The following AGPAT3 variants were observed in gnomAD, a reference collection of about 807,000 sequenced individuals.
AGPAT3 encodes the protein 1-acylglycerol-3-phosphate O-acyltransferase 3, also known as 1-acyl-sn-glycerol-3-phosphate acyltransferase gamma.
Under a neutral mutation model 47.3 loss-of-function variants are expected in AGPAT3, and 5 were observed. The ratio of observed to expected loss-of-function variants is 0.11; its 90% CI spans 0.06 to 0.22. AGPAT3 has a LOEUF of 0.22. Ranked by LOEUF, AGPAT3 falls within the 10% of genes least tolerant of loss-of-function variation. The probability of loss-of-function intolerance (pLI) is 1.00; values close to 1 mark genes in which losing one functional copy is unlikely to be tolerated. For synonymous variants in AGPAT3, 212 were observed against 208.3 expected (o/e 1.02, Z -0.15); for missense variants, 315 against 493.0 (o/e 0.64, Z 3.42).
chr21:43,904,413 G>A (rs2086437810), intron 2 of AGPAT3, among the ~76,000 whole-genome samples: 1 of 152,172 alleles, frequency 6.6e-6, no homozygotes, highest in Non-Finnish European at 1.5e-5. Context: ...CCCCTCTCCT[G>A]GAGACCGACT....
intron 2 of AGPAT3, among the ~76,000 whole-genome samples, chr21:43,904,804 C>T (rs76451302): frequency 0.01 from 1,588 of 152,296 alleles, 12 homozygotes; most frequent in Non-Finnish European, 0.017. Context: ...GTCCTTCTCC[C>T]ACTGTGGCTG....
Position 43,987,543 on chromosome 21 carries a change from T to C in AGPAT3, c.*5151T>C, listed in dbSNP as rs188441234. Among the ~76,000 whole-genome samples the C allele has an allele frequency of 1.2e-4, 19 of 152,366 alleles. No homozygotes were observed. Among genetic ancestry groups the C allele is most frequent in the Non-Finnish European group, 2.4e-4 (16 of 68,030 alleles). On this transcript the variant is annotated 3_prime_UTR_variant, in exon 10 of 10. Coordinates refer to ENST00000291572, the MANE Select transcript of AGPAT3 (RefSeq NM_020132.5). ...TCTGTGGAGAAAACCAAGGAACCCC[T>C]TTCTCTTCTTTATTAAAAAGCAAAA...
chr21:43,964,106 C>A (rs1432453425), intron 3 of AGPAT3, among the ~76,000 whole-genome samples: 1 of 151,944 alleles, frequency 6.6e-6, no homozygotes, highest in Admixed American at 6.6e-5. Context: ...AGTGCTCAGC[C>A]GGGCGCAGTG....
intron 2 of AGPAT3, among the ~76,000 whole-genome samples, chr21:43,942,847 T>C (rs1311009557): frequency 6.6e-6 from 1 of 152,152 alleles, no homozygotes; most frequent in Non-Finnish European, 1.5e-5. Context: ...TCATCTGGGC[T>C]CAGGGAGACA....
chr21:43,938,117 G>GAC (rs60019728), intron 2 of AGPAT3, among the ~76,000 whole-genome samples: 11,426 of 147,386 alleles, frequency 0.078, 712 homozygotes, highest in African/African-American at 0.18. Flanking sequence ...CACACACACA[G>GAC]ACACACACAC....
At position 43,901,335 on chromosome 21, in the gene AGPAT3, AAAAAGAG is replaced by A. The variant is rs1252444858; in HGVS notation, c.-111-2619_-111-2613del. Among the ~76,000 whole-genome samples the A allele has an allele frequency of 4.0e-5, 6 of 151,726 alleles. No individual in the cohort carries two copies. In the East Asian group the frequency reaches 1.2e-3, roughly 29 times the overall value. ...GAAACTCTGTTAAAAAAAAAAAAAAAAAAAGAGAAGAGAAAAGAGAAGGGAAGGGAAC... is the reference window on the plus strand; with the variant it reads ...GAAACTCTGTTAAAAAAAAAAAAAAAAAGAGAAAAGAGAAGGGAAGGGAAC... On this transcript the variant is annotated intron_variant, in intron 1 of 9. Transcript: ENST00000291572.
intron 2 of AGPAT3, among the ~76,000 whole-genome samples, chr21:43,905,599 C>G (rs1455610544): frequency 2.0e-5 from 3 of 152,248 alleles, no homozygotes; most frequent in South Asian, 2.1e-4. Flanking sequence ...AACTGGCACT[C>G]TGAGCTGTCC....
rs1388222291 is a variant in AGPAT3 at position 43,939,314 on chromosome 21, C to T, written c.-48-20320C>T. Reference sequence around the variant, plus strand: ...CGCTCCCTTGATAACACCCCACCCCCGTCGCTGTTGTTGTCGGGGGCCTCC... The same window carrying T: ...CGCTCCCTTGATAACACCCCACCCCTGTCGCTGTTGTTGTCGGGGGCCTCC... On this transcript the variant is annotated intron_variant, in intron 2 of 9. Coordinates refer to ENST00000291572, the MANE Select transcript of AGPAT3 (RefSeq NM_020132.5). This position sits in a 1 kb window ranked among gnomAD's most constrained non-coding sequence, Gnocchi z 4.4. 2.6e-5 allele frequency among the ~76,000 whole-genome samples: 4 copies of T among 152,132 alleles called. No individual in the cohort carries two copies. The highest frequency in any genetic ancestry group is 9.7e-5 in the African/African-American group (4 of 41,422).
chr21:43,898,809 G>A (rs1206809035), intron 1 of AGPAT3, among the ~76,000 whole-genome samples: 1 of 152,154 alleles, frequency 6.6e-6, no homozygotes. Flanking sequence ...TTACAGGCGT[G>A]AGCCACCACA....
chr21:43,892,041 T>C (rs555581529), intron 1 of AGPAT3, among the ~76,000 whole-genome samples: 1 of 152,298 alleles, frequency 6.6e-6, no homozygotes, highest in South Asian at 2.1e-4. Flanking sequence ...GCATGGTGGC[T>C]CACACCTCTA....
chr21:43,909,870 A>C lies in AGPAT3; in HGVS notation c.-49+5851A>C, dbSNP rs74594235. On this transcript the variant is annotated intron_variant, in intron 2 of 9. Coordinates refer to ENST00000291572, the MANE Select transcript of AGPAT3 (RefSeq NM_020132.5). ...ATTAGTACACCGTCCTGCAGGGTCT[A>C]TCTGAACGCTAGCCCGGTGGGGAGG... Among the ~76,000 whole-genome samples, 1,285 of 152,212 alleles carry C rather than the reference A, an allele frequency of 8.4e-3. 22 individuals carry two copies. The highest frequency in any genetic ancestry group is 0.029 in the African/African-American group (1,203 of 41,552).
At position 43,896,430 on chromosome 21, in the gene AGPAT3, T is replaced by C. The variant is rs116120226; in HGVS notation, c.-111-7527T>C. Among the ~76,000 whole-genome samples, 1,113 of 152,360 alleles carry C rather than the reference T, an allele frequency of 7.3e-3. 9 individuals are homozygous for C. The highest frequency in any genetic ancestry group is 0.025 in the African/African-American group (1,048 of 41,578). ...CTGTTCTGCAGTGGTAGGGGCAGCA[T>C]TGTGTGTAGATTGATTGAATCAAGT... On this transcript the variant is annotated intron_variant, in intron 1 of 9. Coordinates refer to ENST00000291572, the MANE Select transcript of AGPAT3 (RefSeq NM_020132.5).
In AGPAT3 at chr21:43,920,103, C is replaced by T. The variant is rs574036841; in HGVS notation, c.-49+16084C>T. Among the ~76,000 whole-genome samples the T allele has an allele frequency of 3.3e-5, 5 of 152,098 alleles. No individual in the cohort carries two copies. Among genetic ancestry groups the T allele is most frequent in the African/African-American group, 1.2e-4 (5 of 41,410 alleles). On this transcript the variant is annotated intron_variant, in intron 2 of 9. Transcript: ENST00000291572. The surrounding 1 kb of genome is among the most constrained non-coding windows in gnomAD (Gnocchi z 6.1). Reference sequence around the variant, plus strand: ...AGAAGGGACAGGAGTGCACTGCAGGCGGGGGTGTGACCACGTCCGCACCCC... The same window carrying T: ...AGAAGGGACAGGAGTGCACTGCAGGTGGGGGTGTGACCACGTCCGCACCCC...
rs771802018 is a variant in AGPAT3 at position 43,947,834 on chromosome 21, G to A, written c.-48-11800G>A. 8.6e-5 allele frequency among the ~76,000 whole-genome samples: 13 copies of A among 151,928 alleles called. No homozygotes were observed. In the East Asian group the frequency reaches 2.3e-3, roughly 27 times the overall value. Reference sequence around the variant, plus strand: ...AATTTTTTGTATTTTTAGTAGAGACGGGGTTTCACCATGTTGGTGAGACCA... The same window carrying A: ...AATTTTTTGTATTTTTAGTAGAGACAGGGTTTCACCATGTTGGTGAGACCA... On this transcript the variant is annotated intron_variant, in intron 2 of 9. Transcript: ENST00000291572.
rs1601315603 is a variant in AGPAT3 at position 43,922,381 on chromosome 21, G to T, written c.-49+18362G>T. On this transcript the variant is annotated intron_variant, in intron 2 of 9. Coordinates refer to ENST00000291572, the MANE Select transcript of AGPAT3 (RefSeq NM_020132.5). The surrounding 1 kb of genome is among the most constrained non-coding windows in gnomAD (Gnocchi z 4.9). ...CCCCCAGGACGCTGGGCCGAGCCAG[G>T]CAGGGACCTGCTTCAGTCCTCGAAG... Among the ~76,000 whole-genome samples, 1 of 152,306 alleles carries T rather than the reference G, an allele frequency of 6.6e-6. No homozygotes were observed. Among genetic ancestry groups the T allele is most frequent in the Non-Finnish European group, 1.5e-5 (1 of 68,022 alleles).
intron 7 of AGPAT3, among the ~76,000 whole-genome samples, chr21:43,972,303 C>T (rs1216274974): frequency 1.3e-5 from 2 of 152,164 alleles, no homozygotes; most frequent in African/African-American, 4.8e-5. Flanking sequence ...CACTACCTCG[C>T]CTGGCTAATT....
At position 43,904,786 on chromosome 21, in the gene AGPAT3, G is replaced by T. The variant is rs1399233843; in HGVS notation, c.-49+767G>T. On this transcript the variant is annotated intron_variant, in intron 2 of 9. Transcript: ENST00000291572. ...TGCAGGTCCCTTCTGGGTGGCCCTG[G>T]ACCCTGTGTCCTTCTCCCACTGTGG... Among the ~76,000 whole-genome samples, 14 of 152,276 alleles carry T rather than the reference G, an allele frequency of 9.2e-5. No homozygotes were observed. In the East Asian group the frequency reaches 2.7e-3, roughly 29 times the overall value.
At chr21:43,921,824 T>C (rs2086901292) in intron 2 of AGPAT3, among the ~76,000 whole-genome samples, 1 of 152,086 alleles carries the variant, frequency 6.6e-6, no homozygotes, top group Non-Finnish European at 1.5e-5. Flanking sequence ...AAAGCGTTAA[T>C]TACTTTTTTA....
At chr21:43,898,891 T>TG (rs1000374478) in intron 1 of AGPAT3, among the ~76,000 whole-genome samples, 1 of 151,836 alleles carries the variant, frequency 6.6e-6, no homozygotes, top group Non-Finnish European at 1.5e-5. Context: ...TACTGTTTTT[T>TG]TTTTTGTAGG....
Sources: allele counts gnomAD v4.1 joint callset (sites outside exome capture counted in the v4.1 genomes callset), GRCh38; gene constraint gnomAD v4.1.1; non-coding constraint Gnocchi (gnomAD v3.1); transcripts MANE v1.5; gene names NCBI Gene and HGNC (gene_info 2026-07-23, HGNC 2026-07-21).